GNG7: variants seen among roughly 807,000 people sequenced by gnomAD.
The protein encoded by GNG7 is guanine nucleotide-binding protein G(I)/G(S)/G(O) subunit gamma-7.
Under a neutral mutation model 4.0 loss-of-function variants are expected in GNG7, and 1 was observed. That is an observed-to-expected ratio of 0.25 (90% CI 0.09 to 1.18). GNG7 has a LOEUF of 1.18. GNG7 is among the 50% of genes most tolerant of loss of function. GNG7 has a pLI of 0.50. For synonymous variants in GNG7, 34 were observed against 36.9 expected, an observed-to-expected ratio of 0.92 and a Z score of 0.29; for missense variants, 86 against 91.9, an observed-to-expected ratio of 0.94 and a Z score of 0.26.
In GNG7 at chr19:2,609,527, AT is replaced by A. The variant is rs541844588; in HGVS notation, c.-78+36696del. Among the ~76,000 whole-genome samples, 252 of 152,150 alleles carry A rather than the reference AT, an allele frequency of 1.7e-3. No individual in the cohort carries two copies. The highest frequency in any genetic ancestry group is 3.4e-3 in the Middle Eastern group (1 of 294). Reference sequence around the variant, plus strand: ...CCTCAGGCTCTCTTCCGTGAGCCTTATTTTGGCCATTGCTGGAATCCCGTTG... The same window carrying A: ...CCTCAGGCTCTCTTCCGTGAGCCTTATTTGGCCATTGCTGGAATCCCGTTG... On this transcript the variant is annotated intron_variant, in intron 2 of 4. Coordinates refer to ENST00000382159, the MANE Select transcript of GNG7 (RefSeq NM_052847.3). The surrounding 1 kb of genome is among the most constrained non-coding windows in gnomAD (Gnocchi z 4.4).
chr19:2,533,121 C>T (rs142925875), intron 3 of GNG7, among the ~76,000 whole-genome samples: 15 of 151,594 alleles, frequency 9.9e-5, no homozygotes, highest in African/African-American at 2.9e-4. Context: ...AAAGAATAAA[C>T]TATTGAGAGA....
chr19:2,648,712 A>T (rs1982731486), intron 1 of GNG7, among the ~76,000 whole-genome samples: 1 of 152,082 alleles, frequency 6.6e-6, no homozygotes, highest in Non-Finnish European at 1.5e-5. Flanking sequence ...AGGATCTGCT[A>T]CACCAGGGCC....
intron 1 of GNG7, among the ~76,000 whole-genome samples, chr19:2,684,441 A>C (rs1983821314): frequency 6.7e-6 from 1 of 149,758 alleles, no homozygotes; most frequent in Non-Finnish European, 1.5e-5. Flanking sequence ...GGCCCGCACC[A>C]GTGCTGTTGA....
intron 2 of GNG7, among the ~76,000 whole-genome samples, chr19:2,607,205 A>G (rs1981411696): frequency 9.2e-6 from 1 of 109,140 alleles, no homozygotes; most frequent in Admixed American, 1.0e-4. Flanking sequence ...TGGGCGACAG[A>G]GCAAGACCCT....
At chr19:2,613,819 G>T (rs1981641909) in intron 2 of GNG7, among the ~76,000 whole-genome samples, 1 of 152,128 alleles carries the variant, frequency 6.6e-6, no homozygotes, top group African/African-American at 2.4e-5. Context: ...GATGTCCACA[G>T]TACCTAGCAG....
At chr19:2,553,708 A>G (rs1344876513) in intron 3 of GNG7, among the ~76,000 whole-genome samples, 6 of 130,796 alleles carry the variant, frequency 4.6e-5, no homozygotes, top group Admixed American at 3.1e-4. Context: ...CACATTACAT[A>G]TAATATATTA....
intron 1 of GNG7, among the ~76,000 whole-genome samples, chr19:2,663,825 C>T (rs138386513): frequency 5.3e-5 from 8 of 152,284 alleles, no homozygotes; most frequent in African/African-American, 1.7e-4. Flanking sequence ...ACTAAAGCAA[C>T]GTGGCTTGAT....
intron 1 of GNG7, among the ~76,000 whole-genome samples, chr19:2,652,534 G>T (rs562490270): frequency 6.6e-6 from 1 of 152,130 alleles, no homozygotes; most frequent in Non-Finnish European, 1.5e-5. Flanking sequence ...CAGGAGAATC[G>T]CTTGAACCCG....
At chr19:2,586,582 G>C (rs1480342427) in intron 2 of GNG7, among the ~76,000 whole-genome samples, 1 of 152,156 alleles carries the variant, frequency 6.6e-6, no homozygotes, top group Non-Finnish European at 1.5e-5. Context: ...TCCCAGCCCT[G>C]ACATTTGACA....
chr19:2,568,025 A>G (rs1358516542), intron 2 of GNG7, among the ~76,000 whole-genome samples: 5 of 152,168 alleles, frequency 3.3e-5, no homozygotes, highest in Non-Finnish European at 5.9e-5. Context: ...ACGGGCATGC[A>G]AGCACACATG....
intron 3 of GNG7, among the ~76,000 whole-genome samples, chr19:2,553,668 A>G (rs931696642): frequency 1.4e-5 from 2 of 145,722 alleles, no homozygotes; most frequent in Non-Finnish European, 3.0e-5. Context: ...TGCACACGTT[A>G]CATGTAATAT....
chr19:2,598,129 A>T (rs1402582948), intron 2 of GNG7, among the ~76,000 whole-genome samples: 1 of 152,068 alleles, frequency 6.6e-6, no homozygotes, highest in East Asian at 1.9e-4. Flanking sequence ...CAACGACCGA[A>T]TCCAGCTCTC....
rs1979591740 is a variant in GNG7, at chr19:2,557,312, C to A, written c.-77-2124G>T. Among the ~76,000 whole-genome samples, 1 of 116,438 alleles carries A rather than the reference C, an allele frequency of 8.6e-6. No homozygotes were observed. The highest frequency in any genetic ancestry group is 1.8e-5 in the Non-Finnish European group (1 of 54,346). The allele number at this position is 116,438 out of a possible 152,430, so 76.4% of individuals were successfully genotyped here. A position where few individuals can be genotyped will look rare whatever the true frequency, so the allele number is the denominator to read the frequency against. ...ACACACAGAGGTGCACATACACGCA[C>A]AGACACACATGTGCACACAGACACA... On this transcript the variant is annotated intron_variant, in intron 2 of 4. Transcript: ENST00000382159. The surrounding 1 kb of genome is among the most constrained non-coding windows in gnomAD (Gnocchi z 5.1).
chr19:2,686,021 A>G (rs1360636145), intron 1 of GNG7, among the ~76,000 whole-genome samples: 2 of 152,026 alleles, frequency 1.3e-5, no homozygotes, highest in Non-Finnish European at 2.9e-5. Context: ...CCTGCTTTCC[A>G]ACAATCCTCT....
At chr19:2,631,310 G>A (rs1388569904) in intron 2 of GNG7, among the ~76,000 whole-genome samples, 1 of 152,206 alleles carries the variant, frequency 6.6e-6, no homozygotes, top group Non-Finnish European at 1.5e-5. Context: ...ACCTCATGAA[G>A]CCACTTAACC....
At chr19:2,644,356 TATATA>T (rs1982604735) in intron 2 of GNG7, among the ~76,000 whole-genome samples, 1 of 19,322 alleles carries the variant, frequency 5.2e-5, no homozygotes, top group East Asian at 1.2e-3. Context: ...TATATATATA[TATATA>T]TATATATATA....
intron 2 of GNG7, among the ~76,000 whole-genome samples, chr19:2,588,146 A>C (rs1378453725): frequency 1.2e-4 from 18 of 152,186 alleles, no homozygotes; most frequent in Admixed American, 1.2e-3. Context: ...CAATTTGTGC[A>C]GCAGAAATAC....
At chr19:2,572,486 C>A (rs900130465) in intron 2 of GNG7, among the ~76,000 whole-genome samples, 1 of 152,064 alleles carries the variant, frequency 6.6e-6, no homozygotes, top group Non-Finnish European at 1.5e-5. Context: ...GGCTGGAGTG[C>A]AGTGGCCTGA....
chr19:2,624,654 T>A (rs1981971143), intron 2 of GNG7, among the ~76,000 whole-genome samples: 1 of 152,024 alleles, frequency 6.6e-6, no homozygotes. Flanking sequence ...AGGCCTCTCG[T>A]CTCCGGAGCA....
Sources: allele counts gnomAD v4.1 joint callset (sites outside exome capture counted in the v4.1 genomes callset), GRCh38; gene constraint gnomAD v4.1.1; non-coding constraint Gnocchi (gnomAD v3.1); transcripts MANE v1.5; gene names NCBI Gene and HGNC (gene_info 2026-07-23, HGNC 2026-07-21).